The following TAOK2 variants were observed in gnomAD, a reference collection of about 807,000 sequenced individuals.
The protein encoded by TAOK2 is serine/threonine-protein kinase TAO2.
TAOK2 carries 42 observed loss-of-function variants against 122.5 expected under a neutral mutation model. The observed-to-expected ratio is 0.34, with a 90% CI of 0.27 to 0.44. The LOEUF is 0.44. Among genes scored for constraint, TAOK2 ranks in the 20% least tolerant of loss-of-function variants. TAOK2 has a pLI of 1.00. For missense variants in TAOK2, 1,264 were observed against 1,644.9 expected (o/e 0.77, Z 4.01); for synonymous variants, 704 against 677.6 (o/e 1.04, Z -0.61).
Position 29,983,332 on chromosome 16 carries a change from G to A in TAOK2, c.1260G>A (p.Pro420=), listed in dbSNP as rs761220544. 4 of 1,593,644 alleles carry A rather than the reference G, an allele frequency of 2.5e-6. No individual in the cohort carries two copies. The highest frequency in any genetic ancestry group is 2.2e-5 in the East Asian group (1 of 44,788). ...ACAGCTCCATTATCCACCGGCTGCC[G>A]GTACACAGCTCACCCTTGGGGGACC... is the stretch of plus-strand genomic sequence containing the variant. ...TSHSSIIHRL[P]GSDNLYDDPY... The change falls in exon 12 of 16, where the codon CCG becomes CCA. Residue 420 remains proline (P), a splice_region_variant and synonymous_variant. Coordinates refer to ENST00000308893, the MANE Select transcript of TAOK2 (RefSeq NM_016151.4).
At chr16:29,984,095 A>G (rs568608644) in intron 13 of TAOK2, among the ~76,000 whole-genome samples, 2 of 152,316 alleles carry the variant, frequency 1.3e-5, no homozygotes, top group East Asian at 3.9e-4. Flanking sequence ...CCTGAACAGC[A>G]TCATGATAGG....
chr16:29,984,125 C>T (rs2069708350), intron 13 of TAOK2, among the ~76,000 whole-genome samples: 1 of 152,228 alleles, frequency 6.6e-6, no homozygotes, highest in African/African-American at 2.4e-5. Flanking sequence ...TTCTGTGCCC[C>T]AGAGGGCAGG....
Position 29,985,874 on chromosome 16 carries a change from ATC to A in TAOK2, c.1992+17_1992+18del. 6.2e-7 allele frequency: 1 copy of A among 1,610,164 alleles called. No homozygotes were observed. The highest frequency in any genetic ancestry group is 1.1e-5 in the South Asian group (1 of 90,668). On this transcript the variant is annotated intron_variant, in intron 15 of 15. Coordinates refer to ENST00000308893, the MANE Select transcript of TAOK2 (RefSeq NM_016151.4). The surrounding 1 kb of genome is among the most constrained non-coding windows in gnomAD (Gnocchi z 6.9). The stretch of plus-strand genomic sequence containing the variant: ...CCTGCTGCGGGAGGTAGGCATCCCA[ATC>A]TCTGTTCCCCTCCCGCTCACTCGTG...
At chr16:29,978,046 GCT>G in intron 2 of TAOK2, 41 bp from the exon 3 acceptor site, 1 of 1,613,202 alleles carries the variant, frequency 6.2e-7, no homozygotes, top group Non-Finnish European at 8.5e-7. Context: ...CCCATGCCCG[GCT>G]CTCAATGGGG....
intron 8 of TAOK2, chr16:29,980,501 C>G (rs2069580493): frequency 6.6e-6 from 1 of 152,266 alleles, no homozygotes; most frequent in Non-Finnish European, 1.5e-5. Flanking sequence ...AACCTAGAGG[C>G]TTTGCTTCGT....
At chr16:29,989,703 C>G, downstream of TAOK2, 3 of 1,614,090 alleles carry the variant, frequency 1.9e-6, no homozygotes. Context: ...AAGCTCAGCA[C>G]AAGAGCCTCC....
At position 29,987,485 on chromosome 16, in the gene TAOK2, G is replaced by T; in HGVS notation, c.3213G>T (p.Arg1071=). The change falls in exon 16 of 16, where the codon CGG becomes CGT. Residue 1071 remains arginine, a synonymous_variant. Transcript: ENST00000308893. ...VAMAAGGRWV[R]QQGPRVRRGI... ...TGGCAGCGGGGGGCAGATGGGTGCG[G>T]CAGCAGGGCCCCCGGGTGCGCCGGG... 6.3e-7 allele frequency: 1 copy of T among 1,594,580 alleles called. No individual in the cohort carries two copies. Among genetic ancestry groups the T allele is most frequent in the East Asian group, 2.2e-5 (1 of 44,608 alleles).
Position 29,987,499 on chromosome 16 carries a change from G to C in TAOK2, c.3227G>C (p.Arg1076Pro). 1 of 1,598,750 alleles carries C rather than the reference G, an allele frequency of 6.3e-7. No individual in the cohort carries two copies. Among genetic ancestry groups the C allele is most frequent in the Non-Finnish European group, 8.5e-7 (1 of 1,171,054 alleles). ...AGATGGGTGCGGCAGCAGGGCCCCC[G>C]GGTGCGCCGGGGCATATCTCGACTC... Reference protein sequence around the residue: ...GGRWVRQQGPRVRRGISRLWL... With the variant: ...GGRWVRQQGPPVRRGISRLWL... Residue 1076 changes from arginine to proline, a missense_variant, in exon 16 of 16, where the codon CGG becomes CCG. Physicochemically the swap from Arg to Pro is moderately radical, Grantham distance 103 (BLOSUM62 -2). This residue lies in a region of TAOK2 where 824 missense variants were observed against 908.7 expected (regional missense o/e 0.91). Coordinates refer to ENST00000308893, the MANE Select transcript of TAOK2 (RefSeq NM_016151.4).
rs116550707 is a variant in TAOK2 at position 29,981,548 on chromosome 16, T to C, written c.656-113T>C. ...GGATGATGGGAACTTCTCAAGGTCA[T>C]GTGGCAAGGAAGTCAAGGAATTGGG... On this transcript the variant is annotated intron_variant, in intron 8 of 15. Transcript: ENST00000308893. 2.5e-3 allele frequency: 2,288 copies of C among 912,012 alleles called. 34 individuals carry two copies. In the African/African-American group the frequency reaches 0.032, roughly 13 times the overall value. 56.5% of individuals were successfully genotyped at this position (912,012 alleles called of 1,614,324 possible). A position where few individuals can be genotyped will look rare whatever the true frequency, so the allele number is the denominator to read the frequency against.
At chr16:29,990,015 T>A (rs775347433), downstream of TAOK2, 1 of 566,988 alleles carries the variant, frequency 1.8e-6, no homozygotes, top group Non-Finnish European at 3.1e-6. Flanking sequence ...CTTAAGGTCT[T>A]GACAAAGCCA....
At chr16:29,981,531 G>T in intron 8 of TAOK2, 130 bp from the exon 9 acceptor site, 1 of 802,484 alleles carries the variant, frequency 1.2e-6, no homozygotes, top group Non-Finnish European at 2.2e-6. Flanking sequence ...CAGGATGATG[G>T]GAACTTCTCA....
At position 29,987,200 on chromosome 16, in the gene TAOK2, G is replaced by C. The variant is rs371199711; in HGVS notation, c.2928G>C (p.Leu976Phe). 2 of 1,553,002 alleles carry C rather than the reference G, an allele frequency of 1.3e-6. No homozygotes were observed. The highest frequency in any genetic ancestry group is 2.2e-5 in the East Asian group (1 of 44,600). Reference sequence around the variant, plus strand: ...TCCTGCTGCTGCTGCTGCTTCCATTGCTGGCAGCCCAGGGTGGGGGTGGCC... The same window carrying C: ...TCCTGCTGCTGCTGCTGCTTCCATTCCTGGCAGCCCAGGGTGGGGGTGGCC... The part of the protein sequence containing the change: ...LPLLLLLLLP[L>F]LAAQGGGGLQ... Residue 976 changes from leucine (L) to phenylalanine (F), a missense_variant, in exon 16 of 16, where the codon TTG becomes TTC. Physicochemically the swap from Leu to Phe is conservative, Grantham distance 22. This residue lies in a region of TAOK2 where 824 missense variants were observed against 908.7 expected (regional missense o/e 0.91). Transcript: ENST00000308893.
At position 29,985,714 on chromosome 16, in the gene TAOK2, G is replaced by A; in HGVS notation, c.1845G>A (p.Arg615=). The change falls in exon 15 of 16, where the codon CGG becomes CGA. Residue 615 remains arginine, a synonymous_variant. Coordinates refer to ENST00000308893, the MANE Select transcript of TAOK2 (RefSeq NM_016151.4). This position sits in a 1 kb window ranked among gnomAD's most constrained non-coding sequence, Gnocchi z 6.9. The stretch of plus-strand genomic sequence containing the variant: ...GGGAGAAGGCCGAGTGGCTGCTGCG[G>A]CAGAAGGAGCAGCTCCAGCAGTGCC... The part of the protein sequence containing the change: ...PKREKAEWLL[R]QKEQLQQCQA... The A allele has an allele frequency of 6.2e-7, 1 of 1,607,692 alleles. No homozygotes were observed. The highest frequency in any genetic ancestry group is 8.5e-7 in the Non-Finnish European group (1 of 1,177,854).
At chr16:29,978,606 A>T (rs1253777780) in intron 4 of TAOK2, among the ~76,000 whole-genome samples, 193 bp from the exon 5 acceptor site, 1 of 152,002 alleles carries the variant, frequency 6.6e-6, no homozygotes, top group Non-Finnish European at 1.5e-5. Flanking sequence ...GTTTGAAGGG[A>T]TTCAGATGGG....
chr16:29,987,975 A>G lies in TAOK2; in HGVS notation c.3703A>G (p.Arg1235Gly). 6.5e-7 allele frequency: 1 copy of G among 1,527,892 alleles called. No homozygotes were observed. Among genetic ancestry groups the G allele is most frequent in the Non-Finnish European group, 8.7e-7 (1 of 1,144,264 alleles). 94.6% of individuals were successfully genotyped at this position (1,527,892 alleles called of 1,614,324 possible). A position where few individuals can be genotyped will look rare whatever the true frequency, so the allele number is the denominator to read the frequency against. ...TRQSRALPPW[R>G] Reference sequence around the variant, plus strand: ...CCAGTCCCGGGCCCTGCCCCCCTGGAGGTAGCTGACTCCAGCCCTTCCAGC... The same window carrying G: ...CCAGTCCCGGGCCCTGCCCCCCTGGGGGTAGCTGACTCCAGCCCTTCCAGC... Residue 1235 changes from arginine to glycine, a missense_variant, in exon 16 of 16, where the codon AGG becomes GGG. By Grantham distance (125) the Arg-to-Gly change is moderately radical. Around this residue, in one of 4 missense-constraint regions of TAOK2, gnomAD observed 824 missense variants for 908.7 expected, o/e 0.91. Coordinates refer to ENST00000308893, the MANE Select transcript of TAOK2 (RefSeq NM_016151.4).
downstream of TAOK2, chr16:29,991,342 C>T (rs2150911804): frequency 3.1e-6 from 5 of 1,598,034 alleles, no homozygotes; most frequent in African/African-American, 2.7e-5. The surrounding 1 kb of genome is among the most constrained non-coding windows in gnomAD (Gnocchi z 5.6). Context: ...CTGCTGGCTC[C>T]CCCAGGCCCC....
At chr16:29,989,482 CTT>C (rs750788541), downstream of TAOK2, 1 of 1,542,088 alleles carries the variant, frequency 6.5e-7, no homozygotes, top group Non-Finnish European at 8.8e-7. Context: ...CTCCTCTCCT[CTT>C]CTCTCTCTTC....
At chr16:29,978,526 C>G (rs2069525335) in intron 4 of TAOK2, among the ~76,000 whole-genome samples, 173 bp downstream of exon 4, 1 of 152,174 alleles carries the variant, frequency 6.6e-6, no homozygotes, top group Non-Finnish European at 1.5e-5. Flanking sequence ...AAAAGCCTGG[C>G]TCAGTGACAC....
Position 29,986,467 on chromosome 16 carries a change from A to G in TAOK2, c.2195A>G (p.His732Arg). The change falls in exon 16 of 16, where the codon CAT becomes CGT. Residue 732 changes from histidine to arginine, a missense_variant. Physicochemically the swap from His to Arg is conservative, Grantham distance 29 (BLOSUM62 0). Coordinates refer to ENST00000308893, the MANE Select transcript of TAOK2 (RefSeq NM_016151.4). This position sits in a 1 kb window ranked among gnomAD's most constrained non-coding sequence, Gnocchi z 4.2. ...CGTGAGCAAGAGTTGCGGCAGAAGC[A>G]TGCGGCCCAGGTTCGCCAGCAGCCC... ...KRREQELRQK[H>R]AAQVRQQPKS... The G allele has an allele frequency of 1.2e-6, 2 of 1,604,836 alleles. No homozygotes were observed. The highest frequency in any genetic ancestry group is 8.5e-7 in the Non-Finnish European group (1 of 1,175,490).
Sources: gnomAD v4.1 joint callset for allele counts (sites outside exome capture counted in the v4.1 genomes callset) on GRCh38, gnomAD v4.1.1 for gene constraint, gnomAD v4.1.1 regional missense constraint, Gnocchi (gnomAD v3.1) non-coding constraint, MANE v1.5 for transcripts, NCBI Gene and HGNC (gene_info 2026-07-23, HGNC 2026-07-21) for gene names.